The following ITPKC variants were observed in gnomAD, a reference collection of about 807,000 sequenced individuals.
ITPKC encodes inositol-trisphosphate 3-kinase C.
In ITPKC, 33 loss-of-function variants were observed where a neutral mutation model predicts 67.1. The observed-to-expected ratio is 0.49, with a 90% CI of 0.37 to 0.66. The LOEUF is 0.66. Among genes scored for constraint, ITPKC ranks in the 30% least tolerant of loss-of-function variants. The pLI is 0.00. For synonymous variants in ITPKC, 341 were observed against 359.8 expected, an observed-to-expected ratio of 0.95 and a Z score of 0.59; for missense variants, 820 against 892.1, an observed-to-expected ratio of 0.92 and a Z score of 1.03.
chr19:40,739,619 G>A lies in ITPKC; in HGVS notation c.*59G>A. On this transcript the variant is annotated 3_prime_UTR_variant, in exon 7 of 7. Coordinates refer to ENST00000263370, the MANE Select transcript of ITPKC (RefSeq NM_025194.3). The stretch of plus-strand genomic sequence containing the variant: ...GCCAGTCTGGCTGGAGGAGCCCTGA[G>A]ATGCCATGGGAGGCCTGAGGTTGGC... 6.7e-7 allele frequency: 1 copy of A among 1,491,052 alleles called. No individual in the cohort carries two copies. 92.4% of individuals were successfully genotyped at this position (1,491,052 alleles called of 1,614,324 possible). A position where few individuals can be genotyped will look rare whatever the true frequency, so the allele number is the denominator to read the frequency against.
intron 1 of ITPKC, among the ~76,000 whole-genome samples, chr19:40,721,753 A>G (rs2082223802): frequency 6.6e-6 from 1 of 152,016 alleles, no homozygotes; most frequent in African/African-American, 2.4e-5. Context: ...TAATCCCAGC[A>G]CTTTGGGAGG....
chr19:40,717,947 A>G lies in ITPKC; in HGVS notation c.812A>G (p.Gln271Arg). 1 of 1,614,112 alleles carries G rather than the reference A, an allele frequency of 6.2e-7. No individual in the cohort carries two copies. Among genetic ancestry groups the G allele is most frequent in the Non-Finnish European group, 8.5e-7 (1 of 1,180,006 alleles). Residue 271 changes from glutamine to arginine, a missense_variant, in exon 1 of 7, where the codon CAG (glutamine) becomes CGG (arginine). Physicochemically the swap from Gln to Arg is conservative, Grantham distance 43 (BLOSUM62 1). This residue lies in a region of ITPKC where 481 missense variants were observed against 470.1 expected (regional missense o/e 1.02). Transcript: ENST00000263370. Reference sequence around the variant, plus strand: ...GGCACTGGTGGTTTCCAAATACAACAGGATACTGATGGCTCCTGGACACAA... The same window carrying G: ...GGCACTGGTGGTTTCCAAATACAACGGGATACTGATGGCTCCTGGACACAA... ...QPGTGGFQIQ[Q>R]DTDGSWTQPS...
At chr19:40,721,877 C>T (rs2082224320) in intron 1 of ITPKC, among the ~76,000 whole-genome samples, 1 of 151,758 alleles carries the variant, frequency 6.6e-6, no homozygotes, top group Non-Finnish European at 1.5e-5. Flanking sequence ...TGGTATATGC[C>T]TGTTTTCCAG....
In ITPKC at chr19:40,739,708, G is replaced by A. The variant is rs563143578; in HGVS notation, c.*148G>A. On this transcript the variant is annotated 3_prime_UTR_variant, in exon 7 of 7. Coordinates refer to ENST00000263370, the MANE Select transcript of ITPKC (RefSeq NM_025194.3). ...TCATGTGCCACACGAGACCAACGTG[G>A]AAAAGTCTGAAGGGCCTTGGGAGAC... is the stretch of plus-strand genomic sequence containing the variant. 1.2e-4 allele frequency: 82 copies of A among 675,024 alleles called. No homozygotes were observed. In the East Asian group the frequency reaches 2.0e-3, roughly 17 times the overall value. 41.8% of individuals were successfully genotyped at this position (675,024 alleles called of 1,614,324 possible).
chr19:40,719,518 C>T (rs1451125932), intron 1 of ITPKC, among the ~76,000 whole-genome samples: 1 of 151,274 alleles, frequency 6.6e-6, no homozygotes, highest in Non-Finnish European at 1.5e-5. Context: ...CTGAGACAGT[C>T]TCGCTCTGTT....
At position 40,739,615 on chromosome 19, in the gene ITPKC, C is replaced by T. The variant is rs1599659267; in HGVS notation, c.*55C>T. On this transcript the variant is annotated 3_prime_UTR_variant, in exon 7 of 7. Transcript: ENST00000263370. ...TGGCGCCAGTCTGGCTGGAGGAGCCCTGAGATGCCATGGGAGGCCTGAGGT... is the reference window on the plus strand; with the variant it reads ...TGGCGCCAGTCTGGCTGGAGGAGCCTTGAGATGCCATGGGAGGCCTGAGGT... 2.0e-6 allele frequency: 3 copies of T among 1,514,088 alleles called. No individual in the cohort carries two copies. Among genetic ancestry groups the T allele is most frequent in the Admixed American group, 3.8e-5 (2 of 52,674 alleles). The allele number at this position is 1,514,088 out of a possible 1,614,324, so 93.8% of individuals were successfully genotyped here. A position where few individuals can be genotyped will look rare whatever the true frequency, so the allele number is the denominator to read the frequency against.
At position 40,724,129 on chromosome 19, in the gene ITPKC, C is replaced by T. The variant is rs144861825; in HGVS notation, c.1156-1211C>T. On this transcript the variant is annotated intron_variant, in intron 1 of 6. Coordinates refer to ENST00000263370, the MANE Select transcript of ITPKC (RefSeq NM_025194.3). The stretch of plus-strand genomic sequence containing the variant: ...CCCAGTTAATTGGCCAAAGCAAGGC[C>T]AGGTGTGGTGGCTCACACCTATAAT... Among the ~76,000 whole-genome samples the T allele has an allele frequency of 1.5e-3, 234 of 152,284 alleles. 3 individuals are homozygous for T. The highest frequency in any genetic ancestry group is 5.2e-3 in the African/African-American group (217 of 41,572).
intron 1 of ITPKC, among the ~76,000 whole-genome samples, chr19:40,721,665 G>A (rs1052804092): frequency 2.0e-5 from 3 of 151,726 alleles, no homozygotes; most frequent in Admixed American, 1.3e-4. Context: ...CACTGTGCCC[G>A]GCCCGGATCT....
intron 5 of ITPKC, 80 bp from the exon 6 acceptor site, chr19:40,737,618 A>G: frequency 8.2e-7 from 1 of 1,223,690 alleles, no homozygotes; most frequent in Non-Finnish European, 1.2e-6. Context: ...CTTTGGGGGA[A>G]TGGGGTGAGG....
chr19:40,734,505 G>A (rs575135535), intron 4 of ITPKC, among the ~76,000 whole-genome samples: 2 of 152,198 alleles, frequency 1.3e-5, no homozygotes, highest in Non-Finnish European at 2.9e-5. Flanking sequence ...ATCCGACCAT[G>A]CCATTCTCCT....
At chr19:40,729,488 A>G (rs1965715) in intron 3 of ITPKC, 73 bp downstream of exon 3, 1,040,147 of 1,369,070 alleles carry the variant, frequency 0.76, 395,697 homozygotes, top group East Asian at 0.81. Flanking sequence ...TGGCCTGGCC[A>G]GGCGCGGTGG....
chr19:40,739,627 G>A lies in ITPKC; in HGVS notation c.*67G>A. The A allele has an allele frequency of 6.8e-7, 1 of 1,462,638 alleles. No individual in the cohort carries two copies. Among genetic ancestry groups the A allele is most frequent in the Non-Finnish European group, 9.3e-7 (1 of 1,073,366 alleles). The allele number at this position is 1,462,638 out of a possible 1,614,324, so 90.6% of individuals were successfully genotyped here. On this transcript the variant is annotated 3_prime_UTR_variant, in exon 7 of 7. Coordinates refer to ENST00000263370, the MANE Select transcript of ITPKC (RefSeq NM_025194.3). ...GGCTGGAGGAGCCCTGAGATGCCAT[G>A]GGAGGCCTGAGGTTGGCCACGGGGG... is the stretch of plus-strand genomic sequence containing the variant.
At position 40,717,380 on chromosome 19, in the gene ITPKC, CAG is replaced by C. The variant is rs1165348184; in HGVS notation, c.250_251del (p.Pro85AlafsTer11). 3.1e-6 allele frequency: 5 copies of C among 1,613,058 alleles called. No homozygotes were observed. The highest frequency in any genetic ancestry group is 1.1e-5 in the South Asian group (1 of 91,066). On this transcript the variant is annotated frameshift_variant, in exon 1 of 7. Transcript: ENST00000263370. LOFTEE classifies it high-confidence loss of function. ...GCCGGCCTCGGGCCTGCGCCGGGGA[CAG>C]AGAGTCCGCAGGCAGAATTCTGGAC...
chr19:40,718,258 G>A lies in ITPKC; in HGVS notation c.1123G>A (p.Gly375Arg), dbSNP rs2082202406. Residue 375 changes from glycine to arginine, a missense_variant, in exon 1 of 7, where the codon GGA becomes AGA. Gly to Arg is a moderately radical substitution (Grantham distance 125). Transcript: ENST00000263370. ...TGAGGATGACGTGGTGGCCGGGGGC[G>A]GAGGTGCCAGCGATCCCGAGGACAG... ...ESEDDVVAGG[G>R]GASDPEDRSG... 2.6e-6 allele frequency: 4 copies of A among 1,520,346 alleles called. No individual in the cohort carries two copies. Among genetic ancestry groups the A allele is most frequent in the African/African-American group, 1.4e-5 (1 of 71,962 alleles). The allele number at this position is 1,520,346 out of a possible 1,614,324, so 94.2% of individuals were successfully genotyped here.
chr19:40,739,269 C>A, intron 6 of ITPKC, 88 bp from the exon 7 acceptor site: 1 of 926,928 alleles, frequency 1.1e-6, no homozygotes, highest in Non-Finnish European at 1.7e-6. Flanking sequence ...AGGGTTCATG[C>A]TGTCAATCAC....
intron 3 of ITPKC, 87 bp from the exon 4 acceptor site, chr19:40,733,073 C>T: frequency 8.8e-7 from 1 of 1,136,516 alleles, no homozygotes; most frequent in South Asian, 1.4e-5. Flanking sequence ...TTGTGCCACA[C>T]TGTGGCTTTA....
At chr19:40,721,441 G>T (rs2144733960) in intron 1 of ITPKC, among the ~76,000 whole-genome samples, 1 of 151,710 alleles carries the variant, frequency 6.6e-6, no homozygotes, top group East Asian at 1.9e-4. Context: ...CGAGATCTCA[G>T]TTCACTGCAA....
Position 40,721,487 on chromosome 19 carries a change from C to T in ITPKC, c.1155+3197C>T, listed in dbSNP as rs113422940. Reference sequence around the variant, plus strand: ...CCGGGTTCAAGTGATTCTCCTGCCTCGGCCTCCCAAGTAGCTGGGACTACA... The same window carrying T: ...CCGGGTTCAAGTGATTCTCCTGCCTTGGCCTCCCAAGTAGCTGGGACTACA... On this transcript the variant is annotated intron_variant, in intron 1 of 6. Coordinates refer to ENST00000263370, the MANE Select transcript of ITPKC (RefSeq NM_025194.3). Among the ~76,000 whole-genome samples, 1,148 of 151,926 alleles carry T rather than the reference C, an allele frequency of 7.6e-3. 7 individuals are homozygous for T. The highest frequency in any genetic ancestry group is 0.024 in the Middle Eastern group (7 of 294).
Position 40,739,698 on chromosome 19 carries a change from G to A in ITPKC, c.*138G>A. 3 of 712,110 alleles carry A rather than the reference G, an allele frequency of 4.2e-6. No homozygotes were observed. Among genetic ancestry groups the A allele is most frequent in the Non-Finnish European group, 6.9e-6 (3 of 435,192 alleles). The allele number at this position is 712,110 out of a possible 1,614,324, so 44.1% of individuals were successfully genotyped here. On this transcript the variant is annotated 3_prime_UTR_variant, in exon 7 of 7. Coordinates refer to ENST00000263370, the MANE Select transcript of ITPKC (RefSeq NM_025194.3). ...AGAGATTGTGTCATGTGCCACACGA[G>A]ACCAACGTGGAAAAGTCTGAAGGGC... is the stretch of plus-strand genomic sequence containing the variant.
Sources: allele counts gnomAD v4.1 joint callset (sites outside exome capture counted in the v4.1 genomes callset), GRCh38; gene constraint gnomAD v4.1.1; regional missense constraint gnomAD v4.1.1; transcripts MANE v1.5; gene names NCBI Gene and HGNC (gene_info 2026-07-23, HGNC 2026-07-21).